Variants in PIEZO2 observed in about 807,000 individuals in gnomAD.
PIEZO2 encodes the protein piezo-type mechanosensitive ion channel component 2.
In PIEZO2, 172 loss-of-function variants were observed where a neutral mutation model predicts 337.3. That is an observed-to-expected ratio of 0.51 (90% CI 0.45 to 0.58). The LOEUF is 0.58. Among genes scored for constraint, PIEZO2 ranks in the 20% least tolerant of loss-of-function variants. PIEZO2 has a pLI of 0.00. For missense variants in PIEZO2, 3,028 were observed against 3,391.3 expected (o/e 0.89, Z 2.66); for synonymous variants, 1,251 against 1,228.5 (o/e 1.02, Z -0.38).
At position 10,689,661 on chromosome 18, in the gene PIEZO2, C is replaced by T. The variant is rs747816935; in HGVS notation, c.7491G>A (p.Ser2497=). Residue 2497 remains serine, a synonymous_variant, in exon 49 of 56, where the codon TCG becomes TCA. Coordinates refer to ENST00000674853, the MANE Select transcript of PIEZO2 (RefSeq NM_001378183.1). ...ACATCTCCTGGCTTCTTACCTTCTC[C>T]GACTCCCGCCAACACTTCAGGATGA... The part of the protein sequence containing the change: ...HIFILKCWRE[S]EKRYPQPRGQ... 2.0e-5 allele frequency: 33 copies of T among 1,614,062 alleles called. No individual in the cohort carries two copies. The highest frequency in any genetic ancestry group is 1.4e-4 in the South Asian group (13 of 91,082).
intron 1 of PIEZO2, among the ~76,000 whole-genome samples, chr18:11,090,991 C>T (rs77238015): frequency 0.14 from 21,300 of 151,204 alleles, 3,111 homozygotes; most frequent in African/African-American, 0.38. Flanking sequence ...ATAGAGAAGA[C>T]CAATTTGTAA....
At chr18:10,789,486 G>T in intron 14 of PIEZO2, 121 bp from the exon 15 acceptor site, 2 of 1,171,524 alleles carry the variant, frequency 1.7e-6, no homozygotes, top group Non-Finnish European at 2.3e-6. Flanking sequence ...TAATTTGGAT[G>T]ATTTTAGACT....
At chr18:11,010,752 A>G (rs770588787) in intron 2 of PIEZO2, among the ~76,000 whole-genome samples, 1 of 152,222 alleles carries the variant, frequency 6.6e-6, no homozygotes, top group Non-Finnish European at 1.5e-5. Flanking sequence ...TCAAGCCATT[A>G]CTTTGCCCTT....
chr18:10,735,365 A>T (rs777840150), intron 34 of PIEZO2, among the ~76,000 whole-genome samples, 35 bp from the exon 35 acceptor site: 4 of 152,182 alleles, frequency 2.6e-5, no homozygotes, highest in Non-Finnish European at 5.9e-5. Context: ...TAATTAGTAG[A>T]AAAAACCAAA....
Position 10,929,408 on chromosome 18 carries a change from T to C in PIEZO2, c.287-18180A>G, listed in dbSNP as rs944462233. 2.0e-5 allele frequency among the ~76,000 whole-genome samples: 3 copies of C among 152,228 alleles called. No individual in the cohort carries two copies. Among genetic ancestry groups the C allele is most frequent in the African/African-American group, 7.2e-5 (3 of 41,470 alleles). ...GCAAAGAAACTCCGAATTATTTTGA[T>C]CAGATTCAGACATGTTTTCCCATAT... On this transcript the variant is annotated intron_variant, in intron 3 of 55. Transcript: ENST00000674853. The surrounding 1 kb of genome is among the most constrained non-coding windows in gnomAD (Gnocchi z 5.6).
At chr18:11,010,699 G>A (rs571327028) in intron 2 of PIEZO2, among the ~76,000 whole-genome samples, 2 of 152,260 alleles carry the variant, frequency 1.3e-5, no homozygotes, top group South Asian at 4.1e-4. Context: ...AAGATATTCA[G>A]GAACATCCAG....
chr18:10,936,415 A>T (rs539525570), intron 3 of PIEZO2, among the ~76,000 whole-genome samples: 6 of 152,026 alleles, frequency 3.9e-5, no homozygotes, highest in Admixed American at 3.9e-4. Context: ...TCCTCCGAAA[A>T]TTTTTTTTAA....
At chr18:10,787,400 G>A (rs1337991646) in intron 15 of PIEZO2, among the ~76,000 whole-genome samples, 6 of 152,166 alleles carry the variant, frequency 3.9e-5, no homozygotes, top group African/African-American at 1.4e-4. Flanking sequence ...TAACTGTGTG[G>A]GGAAGAGGCT....
rs1384968589 is a variant in PIEZO2, at chr18:11,027,473, T to C, written c.160+38654A>G. Among the ~76,000 whole-genome samples the C allele has an allele frequency of 1.3e-5, 2 of 152,210 alleles. No homozygotes were observed. Among genetic ancestry groups the C allele is most frequent in the Non-Finnish European group, 2.9e-5 (2 of 68,032 alleles). ...CAAATTGACAATGAAGCAGGAGATA[T>C]AATCATTTAAAATTTAATTTTCAAG... On this transcript the variant is annotated intron_variant, in intron 2 of 55. Coordinates refer to ENST00000674853, the MANE Select transcript of PIEZO2 (RefSeq NM_001378183.1). The surrounding 1 kb of genome is among the most constrained non-coding windows in gnomAD (Gnocchi z 4.2).
At position 10,824,294 on chromosome 18, in the gene PIEZO2, T is replaced by A. The variant is rs977381307; in HGVS notation, c.918-17020A>T. 5.9e-5 allele frequency among the ~76,000 whole-genome samples: 9 copies of A among 152,186 alleles called. No homozygotes were observed. Among genetic ancestry groups the A allele is most frequent in the African/African-American group, 2.2e-4 (9 of 41,454 alleles). On this transcript the variant is annotated intron_variant, in intron 7 of 55. Transcript: ENST00000674853. The surrounding 1 kb of genome is among the most constrained non-coding windows in gnomAD (Gnocchi z 4.4). ...ATTTAAAATAAAGGCAACAAGAAGG[T>A]GATATAAAGGCCTTCAAGACCTTAA... is the stretch of plus-strand genomic sequence containing the variant.
At chr18:11,061,624 A>G (rs2037961935) in intron 2 of PIEZO2, among the ~76,000 whole-genome samples, 2 of 152,026 alleles carry the variant, frequency 1.3e-5, no homozygotes, top group East Asian at 1.9e-4. Flanking sequence ...AGACAAACAG[A>G]GAGCCAAATC....
rs2038716484 is a variant in PIEZO2 at position 11,080,926 on chromosome 18, GT to G, written c.65-14705del. The stretch of plus-strand genomic sequence containing the variant: ...ATCACACCTGACCAATGGAGTCAAC[GT>G]CCAATAGCTTCACCAAATTGGTTAT... On this transcript the variant is annotated intron_variant, in intron 1 of 55. Transcript: ENST00000674853. This position sits in a 1 kb window ranked among gnomAD's most constrained non-coding sequence, Gnocchi z 5.4. Among the ~76,000 whole-genome samples the G allele has an allele frequency of 6.6e-6, 1 of 152,150 alleles. No homozygotes were observed.
Position 11,032,239 on chromosome 18 carries a change from G to A in PIEZO2, c.160+33888C>T, listed in dbSNP as rs1248924870. Among the ~76,000 whole-genome samples the A allele has an allele frequency of 6.6e-6, 1 of 152,174 alleles. No individual in the cohort carries two copies. Among genetic ancestry groups the A allele is most frequent in the African/African-American group, 2.4e-5 (1 of 41,446 alleles). ...ACATTGATTCTCGGGTCTCCAGTGTGGTCCACAGGACAGAGGACAACATTT... is the reference window on the plus strand; with the variant it reads ...ACATTGATTCTCGGGTCTCCAGTGTAGTCCACAGGACAGAGGACAACATTT... On this transcript the variant is annotated intron_variant, in intron 2 of 55. Coordinates refer to ENST00000674853, the MANE Select transcript of PIEZO2 (RefSeq NM_001378183.1). The surrounding 1 kb of genome is among the most constrained non-coding windows in gnomAD (Gnocchi z 4.9).
intron 23 of PIEZO2, among the ~76,000 whole-genome samples, chr18:10,761,650 G>C (rs536087252): frequency 1.4e-4 from 21 of 152,258 alleles, no homozygotes; most frequent in African/African-American, 5.1e-4. Flanking sequence ...GGAACCATAG[G>C]TTCCAGACAC....
Position 10,833,252 on chromosome 18 carries a change from G to C in PIEZO2, c.917+22101C>G, listed in dbSNP as rs949153367. Reference sequence around the variant, plus strand: ...AGAAGCCCAGGGTAACAGGTACCCTGGGTGCGTCAGTGGCAGCACAGAGAT... The same window carrying C: ...AGAAGCCCAGGGTAACAGGTACCCTCGGTGCGTCAGTGGCAGCACAGAGAT... On this transcript the variant is annotated intron_variant, in intron 7 of 55. Coordinates refer to ENST00000674853, the MANE Select transcript of PIEZO2 (RefSeq NM_001378183.1). The surrounding 1 kb of genome is among the most constrained non-coding windows in gnomAD (Gnocchi z 4.7). 5.3e-5 allele frequency among the ~76,000 whole-genome samples: 8 copies of C among 152,144 alleles called. No individual in the cohort carries two copies. Among genetic ancestry groups the C allele is most frequent in the Admixed American group, 2.6e-4 (4 of 15,280 alleles).
At chr18:10,921,603 G>A (rs1432536107) in intron 3 of PIEZO2, among the ~76,000 whole-genome samples, 7 of 152,116 alleles carry the variant, frequency 4.6e-5, no homozygotes, top group Non-Finnish European at 1.0e-4. Flanking sequence ...GAGCATGTGT[G>A]TTTGAACAAT....
chr18:11,043,605 A>C (rs2037196680), intron 2 of PIEZO2, among the ~76,000 whole-genome samples: 1 of 152,174 alleles, frequency 6.6e-6, no homozygotes, highest in South Asian at 2.1e-4. Context: ...ACAAGAACTG[A>C]GAGTAAGAAA....
At chr18:10,691,436 A>G (rs910056915) in intron 47 of PIEZO2, 53 bp from the exon 48 acceptor site, 1 of 1,561,538 alleles carries the variant, frequency 6.4e-7, no homozygotes, top group African/African-American at 1.4e-5. Flanking sequence ...TCTGAAACAA[A>G]AGGATGGCAG....
At position 10,844,649 on chromosome 18, in the gene PIEZO2, C is replaced by T. The variant is rs1010180362; in HGVS notation, c.917+10704G>A. Among the ~76,000 whole-genome samples the T allele has an allele frequency of 2.7e-5, 4 of 150,580 alleles. No individual in the cohort carries two copies. The South Asian group carries it at 8.4e-4, about 32-fold the overall frequency. Reference sequence around the variant, plus strand: ...TAAAAAATACAAAAAAATAGCTAGGCGTGGTGGTGGGTGCCTGTAGTCCCA... The same window carrying T: ...TAAAAAATACAAAAAAATAGCTAGGTGTGGTGGTGGGTGCCTGTAGTCCCA... On this transcript the variant is annotated intron_variant, in intron 7 of 55. Transcript: ENST00000674853.
Sources: allele counts gnomAD v4.1 joint callset (sites outside exome capture counted in the v4.1 genomes callset), GRCh38; gene constraint gnomAD v4.1.1; non-coding constraint Gnocchi (gnomAD v3.1); transcripts MANE v1.5; gene names NCBI Gene and HGNC (gene_info 2026-07-23, HGNC 2026-07-21).